The following DNAH8 variants were observed in gnomAD, a reference collection of about 807,000 sequenced individuals.
DNAH8 encodes the protein axonemal beta dynein heavy chain 8.
In DNAH8, 382 loss-of-function variants were observed where a neutral mutation model predicts 562.1. The observed-to-expected ratio is 0.68, with a 90% CI of 0.63 to 0.74. DNAH8 has a LOEUF of 0.74. Among genes scored for constraint, DNAH8 ranks in the 30% least tolerant of loss-of-function variants. The pLI, the probability that DNAH8 is intolerant of heterozygous loss-of-function variation, is 0.00. For missense variants in DNAH8, 5,203 were observed against 5,620.4 expected (o/e 0.93, Z 2.37); for synonymous variants, 1,881 against 1,919.4 (o/e 0.98, Z 0.52).
chr6:38,742,653 A>G (rs987141076), intron 8 of DNAH8, among the ~76,000 whole-genome samples: 3 of 152,062 alleles, frequency 2.0e-5, no homozygotes, highest in African/African-American at 7.2e-5. Flanking sequence ...AGAAAAATAA[A>G]CTAATACTTT....
At chr6:38,817,842 G>A (rs917606960) in intron 26 of DNAH8, among the ~76,000 whole-genome samples, 6 of 152,116 alleles carry the variant, frequency 3.9e-5, no homozygotes, top group African/African-American at 1.4e-4. Flanking sequence ...ATAAATATTA[G>A]TTCCTTCAAG....
At chr6:38,782,743 T>C (rs1159611092) in intron 16 of DNAH8, among the ~76,000 whole-genome samples, 2 of 152,174 alleles carry the variant, frequency 1.3e-5, no homozygotes, top group African/African-American at 2.4e-5. Flanking sequence ...ACTGAATGCC[T>C]GGGGCAGGCT....
In DNAH8 at chr6:38,883,928, C is replaced by G; in HGVS notation, c.8189C>G (p.Pro2730Arg). 6.3e-7 allele frequency: 1 copy of G among 1,592,016 alleles called. No individual in the cohort carries two copies. The highest frequency in any genetic ancestry group is 2.3e-5 in the East Asian group (1 of 43,740). Residue 2730 changes from proline (P) to arginine (R), a missense_variant, in exon 56 of 93, where the codon CCA becomes CGA. By Grantham distance (103) the Pro-to-Arg change is moderately radical (BLOSUM62 -2). This residue lies in a region of DNAH8 where 977 missense variants were observed against 1,061.8 expected (regional missense o/e 0.92). Coordinates refer to ENST00000327475, the MANE Select transcript of DNAH8 (RefSeq NM_001206927.2). Reference sequence around the variant, plus strand: ...CGAATTGGAAGCACATATGGGCCACCAGGAGGGAGAAAAATGACTGTATTT... The same window carrying G: ...CGAATTGGAAGCACATATGGGCCACGAGGAGGGAGAAAAATGACTGTATTT... The part of the protein sequence containing the change: ...DKRIGSTYGP[P>R]GGRKMTVFID...
Position 38,832,356 on chromosome 6 carries a change from C to G in DNAH8, c.4223C>G (p.Pro1408Arg). 1 of 1,613,588 alleles carries G rather than the reference C, an allele frequency of 6.2e-7. No homozygotes were observed. The highest frequency in any genetic ancestry group is 8.5e-7 in the Non-Finnish European group (1 of 1,179,686). ...SVQEDLVQVQ[P>R]KFKSNLLESV... The stretch of plus-strand genomic sequence containing the variant: ...CAAGAGGACCTAGTTCAAGTGCAGC[C>G]AAAGTTTAAAAGCAATCTACTTGAG... The change falls in exon 31 of 93, where the codon CCA becomes CGA. Residue 1408 changes from proline (P) to arginine (R), a missense_variant. This residue lies in a region of DNAH8 where 2,176 missense variants were observed against 2,365.1 expected (regional missense o/e 0.92). Transcript: ENST00000327475.
intron 78 of DNAH8, among the ~76,000 whole-genome samples, chr6:38,938,507 G>T (rs1034430248): frequency 6.6e-6 from 1 of 152,058 alleles, no homozygotes; most frequent in African/African-American, 2.4e-5. Context: ...ACCAAATACC[G>T]CATAGTCTCA....
intron 33 of DNAH8, among the ~76,000 whole-genome samples, chr6:38,838,749 A>G (rs1774522174): frequency 6.6e-6 from 1 of 152,216 alleles, no homozygotes; most frequent in African/African-American, 2.4e-5. Context: ...CCCATTGGGT[A>G]GACATAGAAT....
intron 48 of DNAH8, among the ~76,000 whole-genome samples, chr6:38,870,174 G>A (rs983909798): frequency 1.4e-4 from 21 of 152,146 alleles, no homozygotes; most frequent in Middle Eastern, 3.2e-3. Context: ...TCCCTCCCAC[G>A]ACACGTGGGA....
At chr6:38,753,805 T>G (rs78555589) in intron 9 of DNAH8, among the ~76,000 whole-genome samples, 4,877 of 152,294 alleles carry the variant, frequency 0.032, 248 homozygotes, top group African/African-American at 0.11. Context: ...TGTGCCTTAT[T>G]ATTGTTATTT....
In DNAH8 at chr6:39,012,231, T is replaced by C; in HGVS notation, c.13388T>C (p.Ile4463Thr). The C allele has an allele frequency of 1.2e-6, 2 of 1,607,018 alleles. No homozygotes were observed. Among genetic ancestry groups the C allele is most frequent in the Non-Finnish European group, 1.7e-6 (2 of 1,175,670 alleles). The change falls in exon 90 of 93, where the codon ATA (isoleucine) becomes ACA (threonine). Residue 4463 changes from isoleucine to threonine, a missense_variant. Physicochemically the swap from Ile to Thr is moderately conservative, Grantham distance 89 (BLOSUM62 -1). Coordinates refer to ENST00000327475, the MANE Select transcript of DNAH8 (RefSeq NM_001206927.2). The stretch of plus-strand genomic sequence containing the variant: ...TTGTTTTAGGTGAAATCTCGTTTGA[T>C]AAAGATGGGCCATCTTAATTCAATG... ...YIPHEVKSRL[I>T]KMGHLNSMNI...
rs370627220 is a variant in DNAH8, at chr6:38,791,528, T to G, written c.2782-27T>G. 1.9e-4 allele frequency: 298 copies of G among 1,593,070 alleles called. 1 individual carries two copies. The Admixed American group carries it at 5.4e-3, about 29-fold the overall frequency. The stretch of plus-strand genomic sequence containing the variant: ...TAGCTCTAAAGGAAAGAAGAGTTTT[T>G]TTTTCTTACATTTTTCTTCCTTGTA... On this transcript the variant is annotated intron_variant, in intron 20 of 92. Transcript: ENST00000327475.
intron 26 of DNAH8, among the ~76,000 whole-genome samples, chr6:38,817,021 G>T (rs1352129033): frequency 6.6e-6 from 1 of 152,182 alleles, no homozygotes; most frequent in Non-Finnish European, 1.5e-5. Flanking sequence ...CCACTGTGAT[G>T]CAGGGAAAGG....
intron 91 of DNAH8, among the ~76,000 whole-genome samples, chr6:39,022,475 C>G (rs1766986510): frequency 6.6e-6 from 1 of 152,206 alleles, no homozygotes; most frequent in African/African-American, 2.4e-5. Context: ...TCAGCCCACT[C>G]AATCAGGGTG....
At chr6:38,947,750 C>CTTTT (rs34044479) in intron 80 of DNAH8, among the ~76,000 whole-genome samples, 1 of 146,790 alleles carries the variant, frequency 6.8e-6, no homozygotes, top group African/African-American at 2.5e-5. Flanking sequence ...AAATCCTCTT[C>CTTTT]TTTTTTTTTT....
At chr6:38,733,356 G>A (rs1763809602) in intron 4 of DNAH8, among the ~76,000 whole-genome samples, 1 of 152,068 alleles carries the variant, frequency 6.6e-6, no homozygotes, top group Non-Finnish European at 1.5e-5. Context: ...AATTTTCATG[G>A]AAATTAGTTC....
At chr6:38,890,574 A>G in intron 57 of DNAH8, 78 bp from the exon 58 acceptor site, 1 of 1,054,118 alleles carries the variant, frequency 9.5e-7, no homozygotes, top group Non-Finnish European at 1.5e-6. Flanking sequence ...CAGCCTTGTA[A>G]TGATTTGTTT....
At chr6:38,783,812 C>G (rs1321655315) in intron 17 of DNAH8, among the ~76,000 whole-genome samples, 1 of 152,182 alleles carries the variant, frequency 6.6e-6, no homozygotes, top group African/African-American at 2.4e-5. Context: ...GTTATAATCT[C>G]AACCCTAAAC....
intron 58 of DNAH8, 109 bp downstream of exon 58, chr6:38,890,870 T>C: frequency 1.4e-6 from 1 of 725,612 alleles, no homozygotes; most frequent in Non-Finnish European, 2.4e-6. Context: ...TGGTGTTTTT[T>C]GGAAAAGACA....
At chr6:38,955,098 G>C (rs1404098929) in intron 82 of DNAH8, among the ~76,000 whole-genome samples, 3 of 152,054 alleles carry the variant, frequency 2.0e-5, no homozygotes, top group Admixed American at 2.0e-4. Context: ...CTTCCAAGTA[G>C]CTGGGACTAC....
intron 73 of DNAH8, among the ~76,000 whole-genome samples, 173 bp downstream of exon 73, chr6:38,924,335 A>G (rs1781941835): frequency 6.6e-6 from 1 of 152,030 alleles, no homozygotes. Context: ...ACATGGTGAA[A>G]TCCCCATCTC....
Sources: allele counts gnomAD v4.1 joint callset (sites outside exome capture counted in the v4.1 genomes callset), GRCh38; gene constraint gnomAD v4.1.1; regional missense constraint gnomAD v4.1.1; transcripts MANE v1.5; gene names NCBI Gene and HGNC (gene_info 2026-07-23, HGNC 2026-07-21).